PDGFC: variants seen among roughly 807,000 people sequenced by gnomAD.
PDGFC encodes platelet-derived growth factor C.
PDGFC carries 12 observed loss-of-function variants against 35.5 expected under a neutral mutation model. The observed-to-expected ratio is 0.34, with a 90% CI of 0.22 to 0.55. The LOEUF (loss-of-function observed/expected upper bound fraction) is 0.55. Ranked by LOEUF, PDGFC falls within the 20% of genes least tolerant of loss-of-function variation. The pLI is 0.91. For missense variants in PDGFC, 322 were observed against 412.4 expected, an observed-to-expected ratio of 0.78 and a Z score of 1.90; for synonymous variants, 159 against 148.8, an observed-to-expected ratio of 1.07 and a Z score of -0.50.
chr4:156,899,773 C>T (rs1282086725), intron 1 of PDGFC, among the ~76,000 whole-genome samples: 1 of 152,166 alleles, frequency 6.6e-6, no homozygotes, highest in Non-Finnish European at 1.5e-5. Context: ...TGAGATTGTG[C>T]CATTGCACTC....
At chr4:156,821,278 G>A (rs1451908727) in intron 2 of PDGFC, among the ~76,000 whole-genome samples, 1 of 151,958 alleles carries the variant, frequency 6.6e-6, no homozygotes, top group Non-Finnish European at 1.5e-5. Context: ...ATACAGGCTG[G>A]AGTACAGTGG....
At chr4:156,812,282 C>T (rs780880683) in intron 2 of PDGFC, among the ~76,000 whole-genome samples, 1 of 151,960 alleles carries the variant, frequency 6.6e-6, no homozygotes, top group Admixed American at 6.6e-5. Context: ...AAGATGCTAA[C>T]ATTTTCCCTT....
chr4:156,955,692 T>C (rs938255758), intron 1 of PDGFC, among the ~76,000 whole-genome samples: 1 of 151,970 alleles, frequency 6.6e-6, no homozygotes, highest in Non-Finnish European at 1.5e-5. Context: ...CCCTTATTAT[T>C]AGGAATTGGC....
chr4:156,896,877 T>A (rs1270019632), intron 1 of PDGFC, among the ~76,000 whole-genome samples: 3 of 152,264 alleles, frequency 2.0e-5, no homozygotes, highest in Non-Finnish European at 4.4e-5. Context: ...AAATAGACCC[T>A]TTTTGTTTTA....
At chr4:156,777,367 G>T (rs927361101) in intron 3 of PDGFC, among the ~76,000 whole-genome samples, 6 of 152,148 alleles carry the variant, frequency 3.9e-5, no homozygotes. Context: ...TTCTACTAAA[G>T]TCCTACTCAC....
chr4:156,840,825 T>C (rs1243963309), intron 2 of PDGFC, among the ~76,000 whole-genome samples: 3 of 152,198 alleles, frequency 2.0e-5, no homozygotes, highest in Non-Finnish European at 4.4e-5. Context: ...GGGGTTCATT[T>C]TGGAACTTTA....
Position 156,764,603 on chromosome 4 carries a change from G to T in PDGFC, c.922-1397C>A, listed in dbSNP as rs186155196. On this transcript the variant is annotated intron_variant, in intron 5 of 5. Coordinates refer to ENST00000502773, the MANE Select transcript of PDGFC (RefSeq NM_016205.3). ...CTGAAGAGATAAACTTCAAAGTCTT[G>T]TAATAACTATTAGAAATTCTAAACT... Among the ~76,000 whole-genome samples, 571 of 152,244 alleles carry T rather than the reference G, an allele frequency of 3.8e-3. 5 individuals carry two copies. Among genetic ancestry groups the T allele is most frequent in the Non-Finnish European group, 6.3e-3 (426 of 67,996 alleles).
intron 1 of PDGFC, among the ~76,000 whole-genome samples, chr4:156,921,517 A>C (rs1731280783): frequency 6.6e-6 from 1 of 152,014 alleles, no homozygotes; most frequent in Non-Finnish European, 1.5e-5. Context: ...AACAAAAGAA[A>C]AAAAAGAAAA....
chr4:156,932,583 C>T (rs1455694874), intron 1 of PDGFC, among the ~76,000 whole-genome samples: 1 of 151,964 alleles, frequency 6.6e-6, no homozygotes, highest in Non-Finnish European at 1.5e-5. Flanking sequence ...ATGATGAGTT[C>T]ATGTCCTTTG....
At chr4:156,905,681 G>A (rs1339973805) in intron 1 of PDGFC, among the ~76,000 whole-genome samples, 1 of 152,008 alleles carries the variant, frequency 6.6e-6, no homozygotes, top group African/African-American at 2.4e-5. Context: ...CAGAATATCT[G>A]CATCTAATCA....
At chr4:156,943,433 C>T (rs1332144130) in intron 1 of PDGFC, among the ~76,000 whole-genome samples, 3 of 152,080 alleles carry the variant, frequency 2.0e-5, no homozygotes, top group Admixed American at 6.6e-5. Context: ...TGCAGAATCT[C>T]AGGCCCCACC....
chr4:156,783,258 G>A (rs186183854), intron 3 of PDGFC, among the ~76,000 whole-genome samples: 2 of 152,232 alleles, frequency 1.3e-5, no homozygotes, highest in Admixed American at 6.5e-5. Flanking sequence ...TGATTGGGAA[G>A]GCTTTGTGTG....
Position 156,762,854 on chromosome 4 carries a change from C to T in PDGFC, c.*236G>A. The stretch of plus-strand genomic sequence containing the variant: ...TCTATTTAATACAACATTTAATTTT[C>T]TTTCCACGATTGAAGACCTTTTCTC... On this transcript the variant is annotated 3_prime_UTR_variant, in exon 6 of 6. Transcript: ENST00000502773. 2.3e-6 allele frequency: 1 copy of T among 428,670 alleles called. No homozygotes were observed. Among genetic ancestry groups the T allele is most frequent in the Middle Eastern group, 6.2e-4 (1 of 1,606 alleles). The allele number at this position is 428,670 out of a possible 1,614,324, so 26.6% of individuals were successfully genotyped here.
intron 3 of PDGFC, among the ~76,000 whole-genome samples, chr4:156,785,081 T>C (rs1731086546): frequency 6.6e-6 from 1 of 152,252 alleles, no homozygotes. Flanking sequence ...GTAGAAACTT[T>C]GATCCCTAAC....
At chr4:156,921,770 A>C (rs78782961) in intron 1 of PDGFC, among the ~76,000 whole-genome samples, 3,158 of 152,230 alleles carry the variant, frequency 0.021, 64 homozygotes, top group Non-Finnish European at 0.028. Flanking sequence ...ATGTCCAAAC[A>C]AACACAGATA....
intron 1 of PDGFC, among the ~76,000 whole-genome samples, chr4:156,943,691 A>G (rs557382843): frequency 1.3e-5 from 2 of 152,204 alleles, no homozygotes; most frequent in South Asian, 4.2e-4. Flanking sequence ...GGGCAGAGAA[A>G]CTAAAATCTA....
chr4:156,811,177 CA>C (rs1196029279), intron 2 of PDGFC, among the ~76,000 whole-genome samples, 160 bp from the exon 3 acceptor site: 1 of 152,010 alleles, frequency 6.6e-6, no homozygotes, highest in Non-Finnish European at 1.5e-5. Flanking sequence ...AGAAGAGACA[CA>C]ACTGAAAATG....
At chr4:156,804,988 TTTTC>T (rs1731720648) in intron 3 of PDGFC, among the ~76,000 whole-genome samples, 1 of 152,066 alleles carries the variant, frequency 6.6e-6, no homozygotes, top group Non-Finnish European at 1.5e-5. Flanking sequence ...CTAATTGCGT[TTTTC>T]TTTCTAACTA....
intron 3 of PDGFC, among the ~76,000 whole-genome samples, chr4:156,784,676 A>G (rs1731074015): frequency 6.6e-6 from 1 of 152,200 alleles, no homozygotes; most frequent in Non-Finnish European, 1.5e-5. Flanking sequence ...GCAATTAGAA[A>G]AGAAGGCCAA....
Sources: allele counts gnomAD v4.1 joint callset (sites outside exome capture counted in the v4.1 genomes callset), GRCh38; gene constraint gnomAD v4.1.1; transcripts MANE v1.5; gene names NCBI Gene and HGNC (gene_info 2026-07-23, HGNC 2026-07-21).